The following DMD variants were observed in gnomAD, a reference collection of about 807,000 sequenced individuals.
DMD encodes the protein mutant dystrophin.
Under a neutral mutation model 330.1 loss-of-function variants are expected in DMD, and 63 were observed. That is an observed-to-expected ratio of 0.19 (90% confidence interval 0.16 to 0.24). The LOEUF (loss-of-function observed/expected upper bound fraction) is 0.24. Ranked by LOEUF, DMD falls within the 10% of genes least tolerant of loss-of-function variation. The pLI is 1.00. For synonymous variants in DMD, 1,223 were observed against 959.8 expected, an observed-to-expected ratio of 1.27 and a Z score of -5.07; for missense variants, 3,344 against 2,684.1, an observed-to-expected ratio of 1.25 and a Z score of -5.43.
rs765497906 is a variant in DMD, at chrX:31,433,448, TTTTC to T, written c.9084+11029_9084+11032del. Among the ~76,000 whole-genome samples the T allele has an allele frequency of 5.2e-3, 561 of 108,487 alleles. 4 individuals carry two copies. The highest frequency in any genetic ancestry group is 0.018 in the African/African-American group (525 of 29,124). The allele number at this position is 108,487 out of a possible 115,157, so 94.2% of individuals were successfully genotyped here. A position where few individuals can be genotyped will look rare whatever the true frequency, so the allele number is the denominator to read the frequency against. On this transcript the variant is annotated intron_variant, in intron 60 of 78. Transcript: ENST00000357033. ...TGCTGGGTCAAATGGTAGTTCTTTT[TTTTC>T]TTTCTTTCTTTTTTTTTTTTTTGAG...
intron 43 of DMD, among the ~76,000 whole-genome samples, chrX:32,220,645 A>AAT (rs756358046): frequency 4.5e-5 from 5 of 110,880 alleles, no homozygotes; most frequent in African/African-American, 1.6e-4. Context: ...AAATGAAAAA[A>AAT]ATATATATAT....
intron 2 of DMD, among the ~76,000 whole-genome samples, chrX:32,884,258 C>A (rs1215222050): frequency 9.0e-6 from 1 of 111,479 alleles, no homozygotes; most frequent in East Asian, 2.8e-4. Context: ...ACAGCAGGCC[C>A]AGTGATAATT....
intron 55 of DMD, among the ~76,000 whole-genome samples, chrX:31,522,325 TTCTCTCTCTCTCTCTC>T (rs1193302041): frequency 3.9e-5 from 2 of 51,338 alleles, no homozygotes; most frequent in Admixed American, 2.9e-4. Context: ...AGATCAAAAT[TTCTCTCTCTCTCTCTC>T]TCTCTCTCTC....
intron 19 of DMD, among the ~76,000 whole-genome samples, chrX:32,499,564 C>G (rs930940295): frequency 9.0e-6 from 1 of 111,574 alleles, no homozygotes; most frequent in African/African-American, 3.3e-5. Context: ...ACAAAAAGGG[C>G]AAGAATGTAT....
At chrX:31,374,009 A>G (rs1192308684) in intron 60 of DMD, among the ~76,000 whole-genome samples, 3 of 106,129 alleles carry the variant, frequency 2.8e-5, no homozygotes, top group African/African-American at 1.1e-4. Context: ...AAAGTGGGCG[A>G]AGGACATGAA....
intron 19 of DMD, among the ~76,000 whole-genome samples, chrX:32,493,774 C>A (rs2043226475): frequency 9.0e-6 from 1 of 111,391 alleles, no homozygotes; most frequent in Non-Finnish European, 1.9e-5. Context: ...ATGTTAATAA[C>A]AAAAAATGTG....
At chrX:32,201,419 C>T (rs771777365) in intron 44 of DMD, among the ~76,000 whole-genome samples, 2 of 107,105 alleles carry the variant, frequency 1.9e-5, no homozygotes, top group South Asian at 8.6e-4. Flanking sequence ...TCATTACCAC[C>T]ATCTGTGGTT....
chrX:31,721,685 ACTCTCTCTCTCT>A (rs767300805), intron 52 of DMD, among the ~76,000 whole-genome samples: 2 of 39,590 alleles, frequency 5.1e-5, no homozygotes, highest in Admixed American at 3.5e-4. Context: ...TCTCTCTCTC[ACTCTCTCTCTCT>A]CTCTCTCTCT....
chrX:32,123,327 G>A (rs1362742627), intron 44 of DMD, among the ~76,000 whole-genome samples: 1 of 101,722 alleles, frequency 9.8e-6, no homozygotes, highest in East Asian at 3.1e-4. Context: ...ACTTGAGTGT[G>A]CGTTAGAATT....
chrX:32,492,115 G>A (rs1015362776), intron 19 of DMD, among the ~76,000 whole-genome samples: 15 of 111,950 alleles, frequency 1.3e-4, no homozygotes, highest in Non-Finnish European at 2.4e-4. Flanking sequence ...CGAGGTGGGG[G>A]ATCACGGCAT....
chrX:32,800,266 A>G (rs778028877), intron 7 of DMD, among the ~76,000 whole-genome samples: 8 of 112,201 alleles, frequency 7.1e-5, no homozygotes, highest in Non-Finnish European at 1.5e-4. Flanking sequence ...CTATACAGGC[A>G]TGAATCACGA....
chrX:31,701,927 T>C (rs951708828), intron 52 of DMD, among the ~76,000 whole-genome samples: 1 of 112,950 alleles, frequency 8.9e-6, no homozygotes, highest in African/African-American at 3.2e-5. Flanking sequence ...ACACCTCACA[T>C]ACCCTTCTAA....
intron 61 of DMD, among the ~76,000 whole-genome samples, chrX:31,335,446 C>A (rs12844827): frequency 9.0e-6 from 1 of 111,560 alleles, no homozygotes; most frequent in Non-Finnish European, 1.9e-5. Context: ...TAATGCAGGC[C>A]CTATGCCCTT....
intron 57 of DMD, among the ~76,000 whole-genome samples, chrX:31,491,329 G>A (rs1426831862): frequency 8.9e-6 from 1 of 111,764 alleles, no homozygotes; most frequent in African/African-American, 3.3e-5. Context: ...ACTCTCTCTA[G>A]GTTAATCACA....
intron 7 of DMD, among the ~76,000 whole-genome samples, chrX:32,735,469 G>A (rs1461277905): frequency 1.8e-5 from 2 of 111,303 alleles, no homozygotes. Context: ...TCACTCCTAA[G>A]CCAAAAGAAC....
intron 52 of DMD, among the ~76,000 whole-genome samples, chrX:31,729,281 G>C (rs763915079): frequency 1.1e-4 from 12 of 111,230 alleles, no homozygotes; most frequent in Non-Finnish European, 1.7e-4. Context: ...AACAGCCAAG[G>C]ATATGAGGGA....
intron 51 of DMD, among the ~76,000 whole-genome samples, chrX:31,759,643 T>C (rs990470507): frequency 6.3e-5 from 7 of 111,946 alleles, no homozygotes; most frequent in African/African-American, 2.3e-4. Flanking sequence ...CTCATGCAGA[T>C]TTTAATAATT....
rs1480128133 is a variant in DMD, at chrX:31,973,011, T to A, written c.6439-4497A>T. Among the ~76,000 whole-genome samples the A allele has an allele frequency of 2.7e-5, 3 of 112,080 alleles. No homozygotes were observed. In the East Asian group the frequency reaches 8.4e-4, roughly 32 times the overall value. On this transcript the variant is annotated intron_variant, in intron 44 of 78. Coordinates refer to ENST00000357033, the MANE Select transcript of DMD (RefSeq NM_004006.3). ...AATTATTAGAAAATATAGCCAATAC[T>A]GTTTTCAGAGATTTTAATGTGCTTC...
chrX:31,680,430 GTGCAATCTCCGCTCAC>G (rs757298325), intron 52 of DMD, among the ~76,000 whole-genome samples: 1 of 109,159 alleles, frequency 9.2e-6, no homozygotes, highest in Non-Finnish European at 1.9e-5. Context: ...GAGTGCAATG[GTGCAATCTCCGCTCAC>G]TGCAACCTCC....
Sources: gnomAD v4.1 joint callset for allele counts (sites outside exome capture counted in the v4.1 genomes callset) on GRCh38, gnomAD v4.1.1 for gene constraint, MANE v1.5 for transcripts, NCBI Gene and HGNC (gene_info 2026-07-23, HGNC 2026-07-21) for gene names.